The following CYFIP1 variants were observed in gnomAD, a reference collection of about 807,000 sequenced individuals.
CYFIP1 encodes the protein cytoplasmic FMR1 interacting protein 1, also known as cytoplasmic FMR1-interacting protein 1.
A neutral mutation model predicts 163.5 loss-of-function variants in CYFIP1; 58 were observed. That is an observed-to-expected ratio of 0.35 (90% CI 0.29 to 0.44). The LOEUF is 0.44. Ranked by LOEUF, CYFIP1 falls within the 20% of genes least tolerant of loss-of-function variation. The pLI is 1.00. For synonymous variants in CYFIP1, 663 were observed against 660.7 expected (o/e 1.00, Z -0.05); for missense variants, 1,338 against 1,653.8 (o/e 0.81, Z 3.31).
Position 22,929,559 on chromosome 15 carries a change from G to A in CYFIP1, c.1111-1531C>T, listed in dbSNP as rs377249144. ...AGGCAGGAGAATTGCTTGAATCCGG[G>A]AGGTGGAAGTTGCAATGAGCCAAGA... is the stretch of plus-strand genomic sequence containing the variant. On this transcript the variant is annotated intron_variant, in intron 11 of 30. Transcript: ENST00000617928. Among the ~76,000 whole-genome samples the A allele has an allele frequency of 4.7e-5, 7 of 147,482 alleles. No homozygotes were observed. The South Asian group carries it at 1.5e-3, about 32-fold the overall frequency.
At chr15:22,955,505 G>A (rs66817559) in intron 1 of CYFIP1, among the ~76,000 whole-genome samples, 26,689 of 152,198 alleles carry the variant, frequency 0.18, 3,127 homozygotes, top group East Asian at 0.58. Flanking sequence ...TTGCCCCGGC[G>A]TGGGCAGGCA....
rs541825041 is a variant in CYFIP1 at position 22,902,447 on chromosome 15, T to C, written c.2588+1259A>G. Among the ~76,000 whole-genome samples, 4 of 152,388 alleles carry C rather than the reference T, an allele frequency of 2.6e-5. No homozygotes were observed. In the East Asian group the frequency reaches 7.7e-4, roughly 29 times the overall value. ...TCACTTTAGAGGACAAATACATTTT[T>C]ACCAAGGAAACCTCTGGGGAGTTCA... is the stretch of plus-strand genomic sequence containing the variant. On this transcript the variant is annotated intron_variant, in intron 22 of 30. Coordinates refer to ENST00000617928, the MANE Select transcript of CYFIP1 (RefSeq NM_014608.6).
At chr15:22,955,953 C>T (rs1169031516) in intron 1 of CYFIP1, among the ~76,000 whole-genome samples, 3 of 152,110 alleles carry the variant, frequency 2.0e-5, no homozygotes, top group African/African-American at 7.2e-5. Flanking sequence ...CACAGTGGCT[C>T]ACTTCTCTAA....
chr15:22,963,362 T>C (rs2062754614), intron 1 of CYFIP1, among the ~76,000 whole-genome samples: 1 of 152,060 alleles, frequency 6.6e-6, no homozygotes, highest in African/African-American at 2.4e-5. Flanking sequence ...TGGTGGCAGA[T>C]GCCTGTAGTC....
rs1287340872 is a variant in CYFIP1 at position 22,869,436 on chromosome 15, C to G, written c.*592G>C. 6.6e-6 allele frequency: 1 copy of G among 152,144 alleles called. No homozygotes were observed. The highest frequency in any genetic ancestry group is 1.5e-5 in the Non-Finnish European group (1 of 68,060). The allele number at this position is 152,144 out of a possible 1,614,324, so 9.4% of individuals were successfully genotyped here. A position where few individuals can be genotyped will look rare whatever the true frequency, so the allele number is the denominator to read the frequency against. On this transcript the variant is annotated 3_prime_UTR_variant, in exon 31 of 31. Coordinates refer to ENST00000617928, the MANE Select transcript of CYFIP1 (RefSeq NM_014608.6). Reference sequence around the variant, plus strand: ...GAGTTCCTTGCCAAGCCAGGCAGCACAGGGTTAGAGTAAATAAATGAACAC... The same window carrying G: ...GAGTTCCTTGCCAAGCCAGGCAGCAGAGGGTTAGAGTAAATAAATGAACAC...
intron 23 of CYFIP1, among the ~76,000 whole-genome samples, chr15:22,884,338 G>A (rs2059871455): frequency 2.0e-5 from 3 of 152,220 alleles, no homozygotes; most frequent in African/African-American, 7.2e-5. Context: ...TAGGGGTACA[G>A]GCATTGGATA....
chr15:22,929,692 T>C (rs1374064585), intron 11 of CYFIP1, among the ~76,000 whole-genome samples: 1 of 144,748 alleles, frequency 6.9e-6, no homozygotes, highest in Non-Finnish European at 1.5e-5. Flanking sequence ...TCCCAGCACT[T>C]TGGGAGGCCG....
At chr15:22,873,401 G>C in intron 29 of CYFIP1, 90 bp downstream of exon 29, 5 of 1,082,382 alleles carry the variant, frequency 4.6e-6, no homozygotes, top group Non-Finnish European at 6.8e-6. Flanking sequence ...TCCTGAGCAT[G>C]GCTGGCTGCT....
chr15:22,892,458 A>G (rs1162983117), intron 23 of CYFIP1, among the ~76,000 whole-genome samples: 1 of 151,718 alleles, frequency 6.6e-6, no homozygotes, highest in Non-Finnish European at 1.5e-5. Context: ...CCCTGGGCTC[A>G]CCTTTCCAGC....
In CYFIP1 at chr15:22,944,488, T is replaced by C. The variant is rs561378959; in HGVS notation, c.387+70A>G. The C allele has an allele frequency of 5.0e-6, 5 of 1,006,600 alleles. No individual in the cohort carries two copies. The African/African-American group carries it at 8.0e-5, about 16-fold the overall frequency. 62.4% of individuals were successfully genotyped at this position (1,006,600 alleles called of 1,614,324 possible). A position where few individuals can be genotyped will look rare whatever the true frequency, so the allele number is the denominator to read the frequency against. On this transcript the variant is annotated intron_variant, in intron 5 of 30. Coordinates refer to ENST00000617928, the MANE Select transcript of CYFIP1 (RefSeq NM_014608.6). Reference sequence around the variant, plus strand: ...CTGTTCAGGGTGTTCACAGTGACAGTGATGGGTAGGAAGGGGTCAGCAACC... The same window carrying C: ...CTGTTCAGGGTGTTCACAGTGACAGCGATGGGTAGGAAGGGGTCAGCAACC...
Position 22,903,904 on chromosome 15 carries a change from T to A in CYFIP1, c.2390A>T (p.Glu797Val). 6.2e-7 allele frequency: 1 copy of A among 1,613,728 alleles called. No homozygotes were observed. Among genetic ancestry groups the A allele is most frequent in the Non-Finnish European group, 8.5e-7 (1 of 1,179,892 alleles). ...FESEDLTSIVELDGLLEINRM... is the reference protein window; with the variant it reads ...FESEDLTSIVVLDGLLEINRM... ...GTTGATTTCCAACAGGCCATCCAGC[T>A]CCTGTGGCACCAAAGACAGGGGTGG... The change falls in exon 22 of 31, where the codon GAG (glutamate) becomes GTG (valine). Residue 797 changes from glutamate to valine, a missense_variant and splice_region_variant. Physicochemically the swap from Glu to Val is moderately radical, Grantham distance 121 (BLOSUM62 -2). This residue lies in a region of CYFIP1 where 824 missense variants were observed against 995.7 expected (regional missense o/e 0.83). Coordinates refer to ENST00000617928, the MANE Select transcript of CYFIP1 (RefSeq NM_014608.6).
chr15:22,956,696 C>T (rs1001910585), intron 1 of CYFIP1, among the ~76,000 whole-genome samples: 2 of 152,168 alleles, frequency 1.3e-5, no homozygotes, highest in African/African-American at 4.8e-5. Context: ...GGTGGCCACA[C>T]CATCCAGATG....
In CYFIP1 at chr15:22,917,868, C is replaced by A. The variant is rs34683919; in HGVS notation, c.1594G>T (p.Ala532Ser). The A allele has an allele frequency of 6.2e-7, 1 of 1,613,958 alleles. No individual in the cohort carries two copies. Among genetic ancestry groups the A allele is most frequent in the South Asian group, 1.1e-5 (1 of 91,074 alleles). Residue 532 changes from alanine (A) to serine (S), a missense_variant, in exon 15 of 31, where the codon GCC becomes TCC. Ala to Ser is a moderately conservative substitution (Grantham distance 99). Coordinates refer to ENST00000617928, the MANE Select transcript of CYFIP1 (RefSeq NM_014608.6). This position sits in a 1 kb window ranked among gnomAD's most constrained non-coding sequence, Gnocchi z 4.2. ...ETGHEPFNDP[A>S]LRGEKDPKSG... ...TTGGGGTCCTTCTCGCCCCGCAAGGCTGGGTCATTGAAGGGCTCATGCCCC... is the reference window on the plus strand; with the variant it reads ...TTGGGGTCCTTCTCGCCCCGCAAGGATGGGTCATTGAAGGGCTCATGCCCC...
intron 3 of CYFIP1, 194 bp downstream of exon 3, chr15:22,946,809 A>C (rs1258823979): frequency 2.0e-5 from 14 of 705,348 alleles, no homozygotes; most frequent in Admixed American, 4.0e-5. Flanking sequence ...AGAGACATTG[A>C]ATTTTCAGAA....
intron 21 of CYFIP1, among the ~76,000 whole-genome samples, chr15:22,907,110 T>C (rs1277115210): frequency 6.6e-6 from 1 of 152,176 alleles, no homozygotes; most frequent in African/African-American, 2.4e-5. Context: ...CCCAGCAGCT[T>C]CTCCCATGGG....
At position 22,868,444 on chromosome 15, in the gene CYFIP1, G is replaced by GCCTT. The variant is rs1241535348; in HGVS notation, c.*1580_*1583dup. The GCCTT allele has an allele frequency of 6.6e-6, 1 of 151,842 alleles. No individual in the cohort carries two copies. Among genetic ancestry groups the GCCTT allele is most frequent in the Non-Finnish European group, 1.5e-5 (1 of 68,022 alleles). 9.4% of individuals were successfully genotyped at this position (151,842 alleles called of 1,614,324 possible). A position where few individuals can be genotyped will look rare whatever the true frequency, so the allele number is the denominator to read the frequency against. The stretch of plus-strand genomic sequence containing the variant: ...TATTACATATTTGGTATATAATTAA[G>GCCTT]CCTTATAAAACTTGGTAATTGATTA... On this transcript the variant is annotated 3_prime_UTR_variant, in exon 31 of 31. Coordinates refer to ENST00000617928, the MANE Select transcript of CYFIP1 (RefSeq NM_014608.6).
intron 22 of CYFIP1, among the ~76,000 whole-genome samples, chr15:22,900,399 CT>C (rs35697922): frequency 0.21 from 28,406 of 134,814 alleles, 2,636 homozygotes; most frequent in Admixed American, 0.32. Flanking sequence ...AATTTCTGTT[CT>C]TTTTTTTTTT....
intron 17 of CYFIP1, among the ~76,000 whole-genome samples, chr15:22,914,320 G>GT (rs2142086218): frequency 6.6e-6 from 1 of 152,256 alleles, no homozygotes; most frequent in East Asian, 1.9e-4. Flanking sequence ...AAGTAGGAAC[G>GT]TGACTGGTTC....
chr15:22,939,089 A>G lies in CYFIP1; in HGVS notation c.795+103T>C, dbSNP rs1033446113. Reference sequence around the variant, plus strand: ...GCTGTTCACACATGACAGCATGCAAATAAGACACAGCTGTCAAAAGGATTC... The same window carrying G: ...GCTGTTCACACATGACAGCATGCAAGTAAGACACAGCTGTCAAAAGGATTC... On this transcript the variant is annotated intron_variant, in intron 8 of 30. Transcript: ENST00000617928. The G allele has an allele frequency of 2.9e-5, 42 of 1,446,860 alleles. No homozygotes were observed. The East Asian group carries it at 9.1e-4, about 31-fold the overall frequency. The allele number at this position is 1,446,860 out of a possible 1,614,324, so 89.6% of individuals were successfully genotyped here.
Sources: allele counts gnomAD v4.1 joint callset (sites outside exome capture counted in the v4.1 genomes callset), GRCh38; gene constraint gnomAD v4.1.1; regional missense constraint gnomAD v4.1.1; non-coding constraint Gnocchi (gnomAD v3.1); transcripts MANE v1.5; gene names NCBI Gene and HGNC (gene_info 2026-07-23, HGNC 2026-07-21).